The following CNTNAP4 variants were observed in gnomAD, a reference collection of about 807,000 sequenced individuals.
CNTNAP4 encodes the protein contactin-associated protein-like 4.
In CNTNAP4, 98 loss-of-function variants were observed where a neutral mutation model predicts 148.4. The observed-to-expected ratio is 0.66, with a 90% CI of 0.56 to 0.78. CNTNAP4 has a LOEUF of 0.78. CNTNAP4 is among the 30% of genes least tolerant of loss of function. CNTNAP4 has a pLI of 0.00. For synonymous variants in CNTNAP4, 730 were observed against 565.1 expected, an observed-to-expected ratio of 1.29 and a Z score of -4.14; for missense variants, 1,935 against 1,565.6, an observed-to-expected ratio of 1.24 and a Z score of -3.98.
chr16:76,498,699 G>A lies in CNTNAP4; in HGVS notation c.2365+5G>A. ...CTCTGCTCTGCCAGGGAGACAGTAAGTGGTTACAATGTGTTGAAACCGTAT... is the reference window on the plus strand; with the variant it reads ...CTCTGCTCTGCCAGGGAGACAGTAAATGGTTACAATGTGTTGAAACCGTAT... On this transcript the variant is annotated splice_donor_5th_base_variant and intron_variant, in intron 15 of 23. Coordinates refer to ENST00000611870, the MANE Select transcript of CNTNAP4 (RefSeq NM_033401.5). The A allele has an allele frequency of 6.2e-7, 1 of 1,601,184 alleles. No individual in the cohort carries two copies. The highest frequency in any genetic ancestry group is 8.5e-7 in the Non-Finnish European group (1 of 1,175,298).
At chr16:76,508,518 G>T (rs1463479595) in intron 15 of CNTNAP4, among the ~76,000 whole-genome samples, 2 of 81,326 alleles carry the variant, frequency 2.5e-5, no homozygotes, top group African/African-American at 3.4e-5. Context: ...TTATTTTATG[G>T]TCTATTTTGC....
intron 2 of CNTNAP4, among the ~76,000 whole-genome samples, chr16:76,340,266 T>TC (rs921393557): frequency 2.6e-5 from 4 of 151,798 alleles, no homozygotes; most frequent in African/African-American, 4.8e-5. Context: ...CTGCCCAAGT[T>TC]CCCCCCCAAA....
chr16:76,435,378 G>C (rs1390343220), intron 4 of CNTNAP4, among the ~76,000 whole-genome samples: 6 of 152,140 alleles, frequency 3.9e-5, no homozygotes, highest in African/African-American at 1.2e-4. Context: ...TGTGATTGCT[G>C]TTTTGCCTCT....
intron 4 of CNTNAP4, among the ~76,000 whole-genome samples, chr16:76,442,965 A>G (rs190086130): frequency 1.3e-5 from 2 of 152,216 alleles, no homozygotes; most frequent in East Asian, 3.9e-4. Context: ...ATTATTAGAA[A>G]TGGCTGAAAA....
At chr16:76,288,941 T>G (rs537506601) in intron 1 of CNTNAP4, among the ~76,000 whole-genome samples, 2 of 152,348 alleles carry the variant, frequency 1.3e-5, no homozygotes, top group South Asian at 4.1e-4. Context: ...TATTTAACTC[T>G]ATTCCATTTC....
chr16:76,348,332 C>A (rs1163470518), intron 2 of CNTNAP4, among the ~76,000 whole-genome samples: 3 of 151,820 alleles, frequency 2.0e-5, no homozygotes, highest in Non-Finnish European at 4.4e-5. Context: ...GAATAGAATT[C>A]TCCAGTCTTG....
At chr16:76,548,158 C>G (rs2084812810) in intron 21 of CNTNAP4, among the ~76,000 whole-genome samples, 1 of 152,142 alleles carries the variant, frequency 6.6e-6, no homozygotes, top group Non-Finnish European at 1.5e-5. Context: ...GCCTCTTTAT[C>G]CACATAGTAT....
intron 3 of CNTNAP4, among the ~76,000 whole-genome samples, chr16:76,381,560 T>C (rs2015968118): frequency 2.6e-5 from 4 of 152,172 alleles, no homozygotes; most frequent in Admixed American, 2.6e-4. Flanking sequence ...TTCATCTAGA[T>C]AACCCTTCAA....
intron 3 of CNTNAP4, among the ~76,000 whole-genome samples, chr16:76,390,620 C>G (rs975983566): frequency 2.0e-5 from 3 of 151,060 alleles, no homozygotes; most frequent in African/African-American, 7.3e-5. Flanking sequence ...ATTATTCCTT[C>G]TCATCATTGC....
intron 19 of CNTNAP4, 109 bp from the exon 20 acceptor site, chr16:76,539,610 T>G: frequency 1.1e-6 from 1 of 921,658 alleles, no homozygotes; most frequent in Non-Finnish European, 1.6e-6. Context: ...ATCTTCCAAT[T>G]TTTCCCTCGA....
intron 1 of CNTNAP4, among the ~76,000 whole-genome samples, chr16:76,286,587 G>C (rs1424788816): frequency 6.6e-6 from 1 of 152,098 alleles, no homozygotes. Context: ...CAATGAAGCA[G>C]AATATGTTGG....
chr16:76,521,774 T>G (rs527746421), intron 16 of CNTNAP4, among the ~76,000 whole-genome samples: 1 of 151,150 alleles, frequency 6.6e-6, no homozygotes, highest in South Asian at 2.1e-4. Flanking sequence ...TTTTTATCGA[T>G]AGGAAAAATT....
intron 4 of CNTNAP4, 69 bp downstream of exon 4, chr16:76,427,668 A>T: frequency 7.2e-7 from 1 of 1,390,344 alleles, no homozygotes; most frequent in South Asian, 1.5e-5. Flanking sequence ...CAAACTACAA[A>T]CTGAAATGGA....
intron 4 of CNTNAP4, among the ~76,000 whole-genome samples, chr16:76,430,765 T>C (rs770455655): frequency 6.6e-6 from 1 of 152,150 alleles, no homozygotes; most frequent in Non-Finnish European, 1.5e-5. Context: ...CGCAGACTGC[T>C]TCATCTCTTC....
At chr16:76,314,759 C>T (rs1961523786) in intron 1 of CNTNAP4, among the ~76,000 whole-genome samples, 1 of 152,100 alleles carries the variant, frequency 6.6e-6, no homozygotes, top group South Asian at 2.1e-4. Flanking sequence ...AGCCCTCACT[C>T]AAGATGGTGT....
intron 2 of CNTNAP4, among the ~76,000 whole-genome samples, chr16:76,337,683 G>T (rs1483154282): frequency 6.6e-6 from 1 of 152,144 alleles, no homozygotes. Flanking sequence ...CCCAATCCTG[G>T]TAAGCCTGAG....
intron 8 of CNTNAP4, among the ~76,000 whole-genome samples, chr16:76,459,490 C>T (rs545109832): frequency 6.6e-6 from 1 of 152,236 alleles, no homozygotes; most frequent in East Asian, 1.9e-4. Context: ...AGCTTCTGTG[C>T]CCTGGCTAAA....
chr16:76,346,729 G>T (rs1017980207), intron 2 of CNTNAP4, among the ~76,000 whole-genome samples: 1 of 152,188 alleles, frequency 6.6e-6, no homozygotes, highest in South Asian at 2.1e-4. Flanking sequence ...TTAAGGCACA[G>T]AATTTGGCAT....
intron 17 of CNTNAP4, among the ~76,000 whole-genome samples, chr16:76,530,305 G>A (rs759786357): frequency 3.0e-4 from 46 of 151,966 alleles, no homozygotes; most frequent in Non-Finnish European, 5.3e-4. Context: ...AATAGAGGTC[G>A]CATTTCTCTT....
Sources: gnomAD v4.1 joint callset for allele counts (sites outside exome capture counted in the v4.1 genomes callset) on GRCh38, gnomAD v4.1.1 for gene constraint, MANE v1.5 for transcripts, NCBI Gene and HGNC (gene_info 2026-07-23, HGNC 2026-07-21) for gene names.